Variants in GABARAPL2 observed in about 807,000 individuals in gnomAD.
GABARAPL2 encodes the protein gamma-aminobutyric acid receptor-associated protein-like 2.
Under a neutral mutation model 16.9 loss-of-function variants are expected in GABARAPL2, and 11 were observed. That is an observed-to-expected ratio of 0.65 (90% CI 0.41 to 1.08). The LOEUF is 1.08. Ranked by LOEUF, GABARAPL2 falls within the 50% of genes least tolerant of loss-of-function variation. The pLI is 0.00. For synonymous variants in GABARAPL2, 57 were observed against 50.7 expected (o/e 1.12, Z -0.53); for missense variants, 134 against 142.5 (o/e 0.94, Z 0.30).
intron 1 of GABARAPL2, 62 bp downstream of exon 1, chr16:75,566,582 C>A (rs542157051): frequency 1.9e-4 from 294 of 1,580,964 alleles, no homozygotes; most frequent in Admixed American, 3.5e-4. Context: ...CCCCCTCCCC[C>A]ACTCGGGCGG....
chr16:75,575,854 T>C (rs1250487786), intron 3 of GABARAPL2: 1 of 152,224 alleles, frequency 6.6e-6, no homozygotes, highest in African/African-American at 2.4e-5. Context: ...TTTGACCCAG[T>C]ATATCCATAA....
rs759465042 is a variant in GABARAPL2, at chr16:75,577,301, G to A, written c.286G>A (p.Glu96Lys). The A allele has an allele frequency of 3.7e-6, 6 of 1,611,688 alleles. No individual in the cohort carries two copies. The highest frequency in any genetic ancestry group is 3.3e-5 in the South Asian group (3 of 91,016). Residue 96 changes from glutamate (E) to lysine (K), a missense_variant, in exon 4 of 4, where the codon GAG (glutamate) becomes AAG (lysine). Glu to Lys is a moderately conservative substitution (Grantham distance 56, BLOSUM62 1). Coordinates refer to ENST00000037243, the MANE Select transcript of GABARAPL2 (RefSeq NM_007285.7). The stretch of plus-strand genomic sequence containing the variant: ...AAGCCTAACTATGGGACAGCTTTAC[G>A]AGAAGGAAAAAGATGAAGATGGATT... The part of the protein sequence containing the change: ...QSSLTMGQLY[E>K]KEKDEDGFLY...
At chr16:75,573,800 C>CA (rs1233717881) in intron 3 of GABARAPL2, among the ~76,000 whole-genome samples, 7 of 152,188 alleles carry the variant, frequency 4.6e-5, no homozygotes, top group Non-Finnish European at 1.0e-4. Flanking sequence ...CACTTGGAGG[C>CA]AGCAAAGCTT....
chr16:75,566,397 C>T lies in GABARAPL2; in HGVS notation c.-90C>T, dbSNP rs941649969. ...GCCGTGTAGTCGCCGCCGTCGCTGC[C>T]GCTGCCGCTGCCGCCGTCGTTGTTG... On this transcript the variant is annotated 5_prime_UTR_variant, in exon 1 of 4. Transcript: ENST00000037243. 1.3e-5 allele frequency: 13 copies of T among 992,474 alleles called. No homozygotes were observed. The highest frequency in any genetic ancestry group is 2.8e-5 in the South Asian group (2 of 72,708). 61.5% of individuals were successfully genotyped at this position (992,474 alleles called of 1,614,324 possible).
chr16:75,572,565 C>A (rs1391146051), intron 3 of GABARAPL2: 2 of 152,298 alleles, frequency 1.3e-5, no homozygotes, highest in Non-Finnish European at 2.9e-5. Flanking sequence ...AGTCACATGG[C>A]CATTCCTGGA....
In GABARAPL2 at chr16:75,577,878, G is replaced by A. The variant is rs1348108921; in HGVS notation, c.*509G>A. On this transcript the variant is annotated 3_prime_UTR_variant, in exon 4 of 4. Transcript: ENST00000037243. The stretch of plus-strand genomic sequence containing the variant: ...TTAACAATAAAAATTCTCTTATAAA[G>A]GCATTGTACTGTGGCCATGTCCTTT... The A allele has an allele frequency of 6.5e-6, 1 of 154,460 alleles. No individual in the cohort carries two copies. The highest frequency in any genetic ancestry group is 1.9e-4 in the East Asian group (1 of 5,274). 9.6% of individuals were successfully genotyped at this position (154,460 alleles called of 1,614,324 possible).
chr16:75,566,621 C>A, intron 1 of GABARAPL2, 101 bp downstream of exon 1: 1 of 1,358,922 alleles, frequency 7.4e-7, no homozygotes, highest in Non-Finnish European at 1.0e-6. Flanking sequence ...GGGGCGGATG[C>A]CCTGCTGCGG....
rs780818378 is a variant in GABARAPL2, at chr16:75,566,861, GC to G, written c.45del (p.Cys15TrpfsTer17). 6.2e-7 allele frequency: 1 copy of G among 1,613,392 alleles called. No homozygotes were observed. The highest frequency in any genetic ancestry group is 8.5e-7 in the Non-Finnish European group (1 of 1,179,856). On this transcript the variant is annotated frameshift_variant, in exon 2 of 4. Transcript: ENST00000037243. LOFTEE classifies it high-confidence loss of function. ...TTTGTTTCTCCCACAGAACACAGAT[GC>G]GTGGAGTCCGCGAAGATTCGAGCGA... ...FKEDHSLEHR[C>X]VESAKIRAKY... is the part of the protein sequence containing the mutation.
At chr16:75,572,874 C>A (rs2080924388) in intron 3 of GABARAPL2, among the ~76,000 whole-genome samples, 1 of 152,168 alleles carries the variant, frequency 6.6e-6, no homozygotes, top group Non-Finnish European at 1.5e-5. Flanking sequence ...TACTTGATGC[C>A]ACAGGGTGTG....
chr16:75,574,360 G>A lies in GABARAPL2; in HGVS notation c.264-2919G>A, dbSNP rs578092532. On this transcript the variant is annotated intron_variant, in intron 3 of 3. Transcript: ENST00000037243. ...AAACTTGACAGAGACACTATGGGGC[G>A]ACTCTGAATTGCACACAATGTCTGC... Among the ~76,000 whole-genome samples the A allele has an allele frequency of 5.3e-5, 8 of 152,312 alleles. No homozygotes were observed. In the South Asian group the frequency reaches 1.0e-3, roughly 20 times the overall value.
chr16:75,570,026 C>T (rs913891232), intron 3 of GABARAPL2, among the ~76,000 whole-genome samples: 6 of 152,154 alleles, frequency 3.9e-5, no homozygotes, highest in East Asian at 3.8e-4. Context: ...AGGCTGTCAG[C>T]TCTTTGGCCC....
Position 75,577,485 on chromosome 16 carries a change from G to A in GABARAPL2, c.*116G>A. The A allele has an allele frequency of 3.0e-6, 2 of 664,426 alleles. No individual in the cohort carries two copies. The highest frequency in any genetic ancestry group is 1.8e-5 in the African/African-American group (1 of 55,696). The allele number at this position is 664,426 out of a possible 1,614,324, so 41.2% of individuals were successfully genotyped here. A position where few individuals can be genotyped will look rare whatever the true frequency, so the allele number is the denominator to read the frequency against. The stretch of plus-strand genomic sequence containing the variant: ...TAGACCTATTAGTGCATTTGTAACT[G>A]GATTTATTTCTTAATATATTGGAAG... On this transcript the variant is annotated 3_prime_UTR_variant, in exon 4 of 4. Coordinates refer to ENST00000037243, the MANE Select transcript of GABARAPL2 (RefSeq NM_007285.7).
chr16:75,573,657 G>GC (rs1187198686), intron 3 of GABARAPL2, among the ~76,000 whole-genome samples: 1 of 152,224 alleles, frequency 6.6e-6, no homozygotes, highest in African/African-American at 2.4e-5. Context: ...GGCAGCAGTC[G>GC]CCTTACCTGG....
Position 75,577,801 on chromosome 16 carries a change from A to G in GABARAPL2, c.*432A>G, listed in dbSNP as rs2080958828. 1 of 160,448 alleles carries G rather than the reference A, an allele frequency of 6.2e-6. No individual in the cohort carries two copies. The highest frequency in any genetic ancestry group is 1.8e-4 in the East Asian group (1 of 5,516). The allele number at this position is 160,448 out of a possible 1,614,324, so 9.9% of individuals were successfully genotyped here. ...CACTAGAATATGCCAACTGCCAATC[A>G]TGTTGGACTGAGCTAATTTGTTCCT... On this transcript the variant is annotated 3_prime_UTR_variant, in exon 4 of 4. Transcript: ENST00000037243.
intron 3 of GABARAPL2, 104 bp downstream of exon 3, chr16:75,568,313 TAG>T: frequency 1.4e-6 from 1 of 721,588 alleles, no homozygotes; most frequent in Non-Finnish European, 2.3e-6. Context: ...GGGTCCTGAC[TAG>T]AAATCTGGAT....
intron 3 of GABARAPL2, among the ~76,000 whole-genome samples, chr16:75,574,019 C>T (rs541677352): frequency 6.6e-6 from 1 of 152,336 alleles, no homozygotes; most frequent in Non-Finnish European, 1.5e-5. Flanking sequence ...GCTACTAGGG[C>T]ACTGCTTAAA....
Position 75,568,267 on chromosome 16 carries a change from G to C in GABARAPL2, c.263+58G>C, listed in dbSNP as rs530257337. On this transcript the variant is annotated intron_variant, in intron 3 of 3. Coordinates refer to ENST00000037243, the MANE Select transcript of GABARAPL2 (RefSeq NM_007285.7). ...ATTAGACATCTGGTTGGCTGCTTACGGAACTCCAAAACTTTGGAAGTCTGA... is the reference window on the plus strand; with the variant it reads ...ATTAGACATCTGGTTGGCTGCTTACCGAACTCCAAAACTTTGGAAGTCTGA... 3.3e-5 allele frequency: 42 copies of C among 1,291,210 alleles called. 2 individuals are homozygous for C. In the Middle Eastern group the frequency reaches 1.1e-3, roughly 35 times the overall value. The allele number at this position is 1,291,210 out of a possible 1,614,324, so 80.0% of individuals were successfully genotyped here. A position where few individuals can be genotyped will look rare whatever the true frequency, so the allele number is the denominator to read the frequency against.
chr16:75,566,435 C>A lies in GABARAPL2; in HGVS notation c.-52C>A. ...GCCGTCGTTGTTGTTGTGCTCGGTG[C>A]GCTGAGCTCCGCGGCTCCGCGAGCC... On this transcript the variant is annotated 5_prime_UTR_variant, in exon 1 of 4. Coordinates refer to ENST00000037243, the MANE Select transcript of GABARAPL2 (RefSeq NM_007285.7). The A allele has an allele frequency of 2.2e-6, 3 of 1,382,598 alleles. No individual in the cohort carries two copies. Among genetic ancestry groups the A allele is most frequent in the South Asian group, 2.4e-5 (2 of 83,638 alleles). 85.6% of individuals were successfully genotyped at this position (1,382,598 alleles called of 1,614,324 possible).
chr16:75,566,404 G>C lies in GABARAPL2; in HGVS notation c.-83G>C. The C allele has an allele frequency of 9.4e-7, 1 of 1,068,824 alleles. No individual in the cohort carries two copies. Among genetic ancestry groups the C allele is most frequent in the East Asian group, 2.8e-5 (1 of 36,014 alleles). The allele number at this position is 1,068,824 out of a possible 1,614,324, so 66.2% of individuals were successfully genotyped here. A position where few individuals can be genotyped will look rare whatever the true frequency, so the allele number is the denominator to read the frequency against. ...AGTCGCCGCCGTCGCTGCCGCTGCC[G>C]CTGCCGCCGTCGTTGTTGTTGTGCT... On this transcript the variant is annotated 5_prime_UTR_variant, in exon 1 of 4. Coordinates refer to ENST00000037243, the MANE Select transcript of GABARAPL2 (RefSeq NM_007285.7).
Sources: gnomAD v4.1 joint callset for allele counts (sites outside exome capture counted in the v4.1 genomes callset) on GRCh38, gnomAD v4.1.1 for gene constraint, MANE v1.5 for transcripts, NCBI Gene and HGNC (gene_info 2026-07-23, HGNC 2026-07-21) for gene names.